Variants in CDH4 observed in about 807,000 individuals in gnomAD.
CDH4 encodes the protein cadherin 4.
In CDH4, 33 loss-of-function variants were observed where a neutral mutation model predicts 86.0. The ratio of observed to expected loss-of-function variants is 0.38; its 90% CI spans 0.29 to 0.51. The LOEUF (loss-of-function observed/expected upper bound fraction) is 0.51, where lower values mean the gene tolerates loss of function less well. Among genes scored for constraint, CDH4 ranks in the 20% least tolerant of loss-of-function variants. The probability of loss-of-function intolerance (pLI) is 0.86; values close to 1 mark genes in which losing one functional copy is unlikely to be tolerated. For synonymous variants in CDH4, 555 were observed against 549.4 expected (o/e 1.01, Z -0.14); for missense variants, 1,114 against 1,307.4 (o/e 0.85, Z 2.28).
intron 11 of CDH4, 29 bp downstream of exon 11, chr20:61,924,505 C>A (rs755471653): frequency 6.2e-7 from 1 of 1,602,174 alleles, no homozygotes; most frequent in Non-Finnish European, 8.5e-7. Flanking sequence ...AGGCAGCCGT[C>A]TCGGTGGCCT....
At chr20:61,321,529 G>A (rs753571535) in intron 2 of CDH4, among the ~76,000 whole-genome samples, 1 of 152,164 alleles carries the variant, frequency 6.6e-6, no homozygotes, top group Non-Finnish European at 1.5e-5. Context: ...CCACGGGTCA[G>A]TGTGTTTGGA....
At chr20:61,406,297 A>ACT in intron 2 of CDH4, among the ~76,000 whole-genome samples, 1 of 146,822 alleles carries the variant, frequency 6.8e-6, no homozygotes, top group East Asian at 2.0e-4. Context: ...TGCCCGGACC[A>ACT]GCATCTGCTC....
chr20:61,639,959 C>A (rs556371801), intron 2 of CDH4, among the ~76,000 whole-genome samples: 2 of 152,100 alleles, frequency 1.3e-5, no homozygotes, highest in Non-Finnish European at 2.9e-5. Flanking sequence ...TCATAATTGC[C>A]TTCTGTTCAG....
chr20:61,671,793 G>A (rs2087391186), intron 2 of CDH4, among the ~76,000 whole-genome samples: 2 of 151,144 alleles, frequency 1.3e-5, no homozygotes, highest in Non-Finnish European at 3.0e-5. Flanking sequence ...ATGGATCGAT[G>A]GATAGATGAT....
At position 61,699,319 on chromosome 20, in the gene CDH4, C is replaced by A. The variant is rs536202041; in HGVS notation, c.170-44244C>A. Among the ~76,000 whole-genome samples the A allele has an allele frequency of 1.3e-4, 20 of 152,314 alleles. No homozygotes were observed. The South Asian group carries it at 4.1e-3, about 32-fold the overall frequency. On this transcript the variant is annotated intron_variant, in intron 2 of 15. Coordinates refer to ENST00000614565, the MANE Select transcript of CDH4 (RefSeq NM_001794.5). ...AGAGAGGCAGGGTCTGTGGTGCTCA[C>A]ACCTCGAACGCCCCCAGTCATCACA...
chr20:61,936,671 G>A (rs999421208), intron 15 of CDH4, 66 bp from the exon 16 acceptor site: 154 of 1,352,876 alleles, frequency 1.1e-4, no homozygotes, highest in Non-Finnish European at 1.4e-4. Flanking sequence ...CTCGCTTTCC[G>A]TTCCATCTGA....
intron 3 of CDH4, among the ~76,000 whole-genome samples, chr20:61,769,235 C>G (rs554673211): frequency 6.6e-6 from 1 of 152,262 alleles, no homozygotes; most frequent in Non-Finnish European, 1.5e-5. Flanking sequence ...AACTGCAGAA[C>G]ATATCAGGCG....
At chr20:61,546,670 G>C (rs1033382382) in intron 2 of CDH4, among the ~76,000 whole-genome samples, 5 of 151,946 alleles carry the variant, frequency 3.3e-5, no homozygotes, top group African/African-American at 1.2e-4. Flanking sequence ...TTTACATGCT[G>C]CCTGGAGATC....
intron 2 of CDH4, among the ~76,000 whole-genome samples, chr20:61,331,722 T>TACCCCAGACCCACCTCCTGCCCC (rs1374745319): frequency 2.4e-4 from 31 of 129,344 alleles, no homozygotes; most frequent in South Asian, 1.1e-3. Flanking sequence ...CCCGACCACC[T>TACCCCAGACCCACCTCCTGCCCC]GACAGAAATG....
chr20:61,912,162 T>A (rs1737105233), intron 9 of CDH4, among the ~76,000 whole-genome samples: 1 of 152,202 alleles, frequency 6.6e-6, no homozygotes, highest in Admixed American at 6.5e-5. Flanking sequence ...TCACCCCTCC[T>A]TTATTAAGGG....
At chr20:61,884,983 T>C (rs1984474662) in intron 7 of CDH4, among the ~76,000 whole-genome samples, 1 of 151,910 alleles carries the variant, frequency 6.6e-6, no homozygotes. Context: ...AGCCTAAGGG[T>C]CAGTCTGCAG....
chr20:61,295,551 A>G (rs985279849), intron 2 of CDH4, among the ~76,000 whole-genome samples: 2 of 152,130 alleles, frequency 1.3e-5, no homozygotes, highest in African/African-American at 4.8e-5. Context: ...TCTGATTTCA[A>G]TACTTATCAG....
At chr20:61,512,501 C>T (rs1018089484) in intron 2 of CDH4, among the ~76,000 whole-genome samples, 5 of 152,154 alleles carry the variant, frequency 3.3e-5, no homozygotes, top group Non-Finnish European at 5.9e-5. Flanking sequence ...CATCTGTCGC[C>T]AAAGCCCCAC....
rs114474053 is a variant in CDH4 at position 61,622,977 on chromosome 20, C to A, written c.170-120586C>A. The stretch of plus-strand genomic sequence containing the variant: ...GAGGCCTGGAGCCCTCACTCGGAAG[C>A]TGCTTGGGACAGTGGGATAGGCCTG... On this transcript the variant is annotated intron_variant, in intron 2 of 15. Transcript: ENST00000614565. 1.8e-3 allele frequency among the ~76,000 whole-genome samples: 278 copies of A among 152,318 alleles called. 3 individuals carry two copies. The highest frequency in any genetic ancestry group is 6.4e-3 in the African/African-American group (267 of 41,576).
At chr20:61,444,363 G>C (rs2085332845) in intron 2 of CDH4, among the ~76,000 whole-genome samples, 4 of 29,314 alleles carry the variant, frequency 1.4e-4, no homozygotes, top group Admixed American at 4.1e-4. Context: ...ATATTTTTGT[G>C]TTTCTGCATG....
At chr20:61,641,127 G>A (rs1049381753) in intron 2 of CDH4, among the ~76,000 whole-genome samples, 1 of 152,190 alleles carries the variant, frequency 6.6e-6, no homozygotes, top group Non-Finnish European at 1.5e-5. Flanking sequence ...GTGGGGCACA[G>A]GAAGGCGGCA....
At chr20:61,427,399 G>T (rs1320091425) in intron 2 of CDH4, among the ~76,000 whole-genome samples, 1 of 152,198 alleles carries the variant, frequency 6.6e-6, no homozygotes, top group Admixed American at 6.5e-5. Flanking sequence ...TTCTGCAGGG[G>T]TTTTTAGAGG....
intron 2 of CDH4, among the ~76,000 whole-genome samples, chr20:61,336,515 C>T (rs2084617924): frequency 6.6e-6 from 1 of 152,142 alleles, no homozygotes; most frequent in African/African-American, 2.4e-5. Context: ...CTTCAAGCCC[C>T]TTTTTGTCTC....
In CDH4 at chr20:61,936,927, G is replaced by A. The variant is rs752374406; in HGVS notation, c.2735G>A (p.Gly912Asp). 1.3e-6 allele frequency: 2 copies of A among 1,582,162 alleles called. No individual in the cohort carries two copies. Among genetic ancestry groups the A allele is most frequent in the African/African-American group, 1.4e-5 (1 of 73,786 alleles). ...AAGAAGCTGGCGGACATGTATGGAG[G>A]TGGTGAAGAGGATTGACTGACCTCG... ...RFKKLADMYG[G>D]GEED is the part of the protein sequence containing the mutation. Residue 912 changes from glycine (G) to aspartate (D), a missense_variant, in exon 16 of 16, where the codon GGT becomes GAT. Gly to Asp is a moderately conservative substitution (Grantham distance 94). Coordinates refer to ENST00000614565, the MANE Select transcript of CDH4 (RefSeq NM_001794.5).
Sources: allele counts gnomAD v4.1 joint callset (sites outside exome capture counted in the v4.1 genomes callset), GRCh38; gene constraint gnomAD v4.1.1; transcripts MANE v1.5; gene names NCBI Gene and HGNC (gene_info 2026-07-23, HGNC 2026-07-21).